Variants in EIPR1 observed in about 807,000 individuals in gnomAD.
The protein encoded by EIPR1 is EARP and GARP complex-interacting protein 1.
Under a neutral mutation model 48.1 loss-of-function variants are expected in EIPR1, and 25 were observed. The observed-to-expected ratio is 0.52, with a 90% CI of 0.38 to 0.73. The LOEUF (loss-of-function observed/expected upper bound fraction) is 0.73, where lower values mean the gene tolerates loss of function less well. Ranked by LOEUF, EIPR1 falls within the 30% of genes least tolerant of loss-of-function variation. EIPR1 has a pLI of 0.00. For synonymous variants in EIPR1, 204 were observed against 201.9 expected (o/e 1.01, Z -0.09); for missense variants, 415 against 506.2 (o/e 0.82, Z 1.73).
At chr2:3,249,540 G>A (rs1666942512) in intron 4 of EIPR1, among the ~76,000 whole-genome samples, 1 of 152,210 alleles carries the variant, frequency 6.6e-6, no homozygotes, top group Non-Finnish European at 1.5e-5. Flanking sequence ...GTCACAACCT[G>A]GCCATGTAGA....
chr2:3,206,017 T>A (rs1387306447), intron 5 of EIPR1, among the ~76,000 whole-genome samples: 4 of 152,196 alleles, frequency 2.6e-5, no homozygotes, highest in Non-Finnish European at 5.9e-5. Context: ...CGAACACTGA[T>A]GCTGCCTTCT....
intron 3 of EIPR1, among the ~76,000 whole-genome samples, chr2:3,325,032 C>T (rs941718484): frequency 1.3e-5 from 2 of 152,254 alleles, no homozygotes; most frequent in African/African-American, 4.8e-5. Context: ...CCAGACACAA[C>T]TGCCTGATCA....
At chr2:3,267,980 T>C (rs1005615319) in intron 3 of EIPR1, among the ~76,000 whole-genome samples, 2 of 152,186 alleles carry the variant, frequency 1.3e-5, no homozygotes, top group African/African-American at 4.8e-5. Context: ...CTGCTGTCCT[T>C]GGAGGTGAGC....
At chr2:3,218,340 G>A (rs1228399364) in intron 4 of EIPR1, among the ~76,000 whole-genome samples, 10 of 147,040 alleles carry the variant, frequency 6.8e-5, no homozygotes, top group African/African-American at 1.3e-4. Flanking sequence ...ACCCAACACG[G>A]CCCTGATACA....
At chr2:3,328,805 T>C (rs1669785315) in intron 3 of EIPR1, among the ~76,000 whole-genome samples, 1 of 122,838 alleles carries the variant, frequency 8.1e-6, no homozygotes, top group Non-Finnish European at 1.7e-5. Flanking sequence ...CTCCCCTGAA[T>C]CAGAGCCCAC....
At chr2:3,217,569 A>T (rs557948614) in intron 4 of EIPR1, among the ~76,000 whole-genome samples, 7 of 152,342 alleles carry the variant, frequency 4.6e-5, no homozygotes, top group African/African-American at 1.7e-4. Context: ...AAATTTTTTA[A>T]AAAAATTGAG....
chr2:3,338,197 A>C, intron 2 of EIPR1, 48 bp from the exon 3 acceptor site: 1 of 1,594,736 alleles, frequency 6.3e-7, no homozygotes, highest in African/African-American at 1.4e-5. Flanking sequence ...CACTTTCCTC[A>C]GTACCTTCAT....
intron 1 of EIPR1, among the ~76,000 whole-genome samples, chr2:3,364,339 G>T (rs957108199): frequency 2.0e-5 from 3 of 152,108 alleles, no homozygotes; most frequent in Non-Finnish European, 4.4e-5. Flanking sequence ...CCATAAAAAA[G>T]AATAAAATTG....
intron 4 of EIPR1, among the ~76,000 whole-genome samples, chr2:3,245,608 A>G (rs1465751046): frequency 6.6e-6 from 1 of 152,320 alleles, no homozygotes; most frequent in East Asian, 1.9e-4. Context: ...TCCTGCACAA[A>G]CTAAGGGATG....
intron 7 of EIPR1, 126 bp downstream of exon 7, chr2:3,193,873 C>A: frequency 1.0e-6 from 1 of 989,122 alleles, no homozygotes; most frequent in Non-Finnish European, 1.4e-6. Context: ...AAAAATAAAA[C>A]TGGGTTGATT....
intron 3 of EIPR1, among the ~76,000 whole-genome samples, chr2:3,270,940 G>C (rs1361522220): frequency 6.6e-6 from 1 of 152,172 alleles, no homozygotes; most frequent in Non-Finnish European, 1.5e-5. Context: ...TTCAAAATTG[G>C]AGTCAGTCCT....
intron 3 of EIPR1, among the ~76,000 whole-genome samples, chr2:3,260,879 T>C (rs1211710418): frequency 1.3e-5 from 2 of 152,102 alleles, no homozygotes; most frequent in Admixed American, 6.5e-5. Context: ...CAATAGCAAG[T>C]ATTGGCAAAG....
intron 4 of EIPR1, among the ~76,000 whole-genome samples, chr2:3,236,199 AC>A (rs1470222678): frequency 6.6e-6 from 1 of 152,230 alleles, no homozygotes; most frequent in East Asian, 1.9e-4. Context: ...GTTAAAGTCT[AC>A]AGAATACTGT....
chr2:3,325,000 G>C (rs757151833), intron 3 of EIPR1, among the ~76,000 whole-genome samples: 4 of 152,232 alleles, frequency 2.6e-5, no homozygotes, highest in Non-Finnish European at 5.9e-5. Context: ...GCCTCCAGGG[G>C]TTTAGGGTCA....
At chr2:3,294,154 T>C (rs182192883) in intron 3 of EIPR1, among the ~76,000 whole-genome samples, 2 of 152,238 alleles carry the variant, frequency 1.3e-5, no homozygotes, top group East Asian at 3.9e-4. Context: ...ATTAGGAGAA[T>C]CCCACAGGAG....
chr2:3,274,413 C>G, intron 3 of EIPR1: 1 of 1,550,314 alleles, frequency 6.5e-7, no homozygotes. Flanking sequence ...CAGCACACAA[C>G]AAAATGCTAG....
chr2:3,290,786 G>A (rs895853243), intron 3 of EIPR1, among the ~76,000 whole-genome samples: 3 of 152,182 alleles, frequency 2.0e-5, no homozygotes, highest in African/African-American at 7.2e-5. Flanking sequence ...ATGGACCGTC[G>A]GTCATCTGGG....
intron 1 of EIPR1, among the ~76,000 whole-genome samples, chr2:3,354,997 C>A (rs938211353): frequency 6.6e-6 from 1 of 152,164 alleles, no homozygotes; most frequent in African/African-American, 2.4e-5. Context: ...TAGCTTCCAG[C>A]AATAGCAGAG....
rs1667191307 is a variant in EIPR1 at position 3,257,367 on chromosome 2, T to G, written c.348A>C (p.Ser116=). The G allele has an allele frequency of 6.2e-7, 1 of 1,614,168 alleles. No individual in the cohort carries two copies. The highest frequency in any genetic ancestry group is 8.5e-7 in the Non-Finnish European group (1 of 1,180,028). Residue 116 remains serine, a synonymous_variant, in exon 4 of 9, where the codon TCA becomes TCC. Transcript: ENST00000382125. ...GCTCCAGGGTCTGTGCAGTGCTGGA[T>G]GAATCATCAGGGGACTCGTGGCTGC... ...ESGSHESPDD[S]SSTAQTLELL...
Sources: allele counts gnomAD v4.1 joint callset (sites outside exome capture counted in the v4.1 genomes callset), GRCh38; gene constraint gnomAD v4.1.1; transcripts MANE v1.5; gene names NCBI Gene and HGNC (gene_info 2026-07-23, HGNC 2026-07-21).